The following SORCS2 variants were observed in gnomAD, a reference collection of about 807,000 sequenced individuals.
SORCS2 encodes the protein sortilin related VPS10 domain containing receptor 2.
SORCS2 carries 100 observed loss-of-function variants against 141.6 expected under a neutral mutation model. That is an observed-to-expected ratio of 0.71 (90% CI 0.60 to 0.83). The LOEUF (loss-of-function observed/expected upper bound fraction) is 0.83, where lower values mean the gene tolerates loss of function less well. SORCS2 is among the 40% of genes least tolerant of loss of function. The pLI is 0.00. For synonymous variants in SORCS2, 789 were observed against 676.9 expected, an observed-to-expected ratio of 1.17 and a Z score of -2.57; for missense variants, 1,646 against 1,560.2, an observed-to-expected ratio of 1.05 and a Z score of -0.93.
At chr4:7,443,517 C>G (rs148535907) in intron 2 of SORCS2, among the ~76,000 whole-genome samples, 3 of 152,316 alleles carry the variant, frequency 2.0e-5, no homozygotes, top group Non-Finnish European at 4.4e-5. Flanking sequence ...TCCCTACAAC[C>G]CGAAACCTTG....
intron 1 of SORCS2, among the ~76,000 whole-genome samples, chr4:7,255,020 T>C (rs1713755434): frequency 6.6e-6 from 1 of 151,962 alleles, no homozygotes; most frequent in Non-Finnish European, 1.5e-5. Flanking sequence ...TATGTGAGCA[T>C]GTGTGTGAGC....
chr4:7,269,067 A>C (rs1455637102), intron 1 of SORCS2, among the ~76,000 whole-genome samples: 1 of 152,114 alleles, frequency 6.6e-6, no homozygotes, highest in African/African-American at 2.4e-5. Context: ...GAGTAGGTCT[A>C]GGAGCCCCAC....
At chr4:7,610,074 G>A (rs1184168017) in intron 3 of SORCS2, among the ~76,000 whole-genome samples, 1 of 152,176 alleles carries the variant, frequency 6.6e-6, no homozygotes, top group East Asian at 1.9e-4. Context: ...CGTCACCTTG[G>A]GGCCCCCAGA....
At chr4:7,676,899 TCTCTCTCC>T (rs202167356) in intron 9 of SORCS2, among the ~76,000 whole-genome samples, 10,691 of 30,352 alleles carry the variant, frequency 0.35, 1,045 homozygotes, top group South Asian at 0.47. Flanking sequence ...GGCCTCTCTC[TCTCTCTCC>T]CTCTCTCCCT....
chr4:7,198,774 G>A (rs1292108137), intron 1 of SORCS2, among the ~76,000 whole-genome samples: 1 of 152,192 alleles, frequency 6.6e-6, no homozygotes. Flanking sequence ...GCTGGATGAA[G>A]AACCATGAGG....
intron 2 of SORCS2, among the ~76,000 whole-genome samples, chr4:7,422,211 C>T (rs930880634): frequency 6.6e-6 from 1 of 152,216 alleles, no homozygotes; most frequent in Non-Finnish European, 1.5e-5. Flanking sequence ...CTGACCTTCT[C>T]CTGTCACTGC....
intron 3 of SORCS2, among the ~76,000 whole-genome samples, chr4:7,628,016 G>A (rs898474855): frequency 6.6e-6 from 1 of 152,238 alleles, no homozygotes; most frequent in African/African-American, 2.4e-5. Flanking sequence ...CCCCGGGCCT[G>A]CCTGCAGCAG....
intron 14 of SORCS2, among the ~76,000 whole-genome samples, chr4:7,710,082 G>T (rs1385022445): frequency 1.3e-5 from 2 of 152,192 alleles, no homozygotes; most frequent in Non-Finnish European, 2.9e-5. Context: ...CATGCAGGGG[G>T]TTAATTAGTC....
chr4:7,737,154 G>A lies in SORCS2; in HGVS notation c.3397G>A (p.Val1133Ile), dbSNP rs781690128. ...CAGCCCTGTGAGTCACAGTGAGGAC[G>A]TCCAGGGCGCTGTCCAGGGTGAGGA... ...MTSPVSHSEDVQGAVQGNHSG... is the reference protein window; with the variant it reads ...MTSPVSHSEDIQGAVQGNHSG... The change falls in exon 26 of 27, where the codon GTC becomes ATC. Residue 1133 changes from valine (V) to isoleucine (I), a missense_variant. Val to Ile is a conservative substitution (Grantham distance 29). Transcript: ENST00000507866. 4.1e-5 allele frequency: 63 copies of A among 1,551,232 alleles called. No homozygotes were observed. The highest frequency in any genetic ancestry group is 2.5e-4 in the South Asian group (21 of 84,060).
chr4:7,380,315 G>A (rs1362984018), intron 1 of SORCS2, among the ~76,000 whole-genome samples: 1 of 152,174 alleles, frequency 6.6e-6, no homozygotes, highest in Non-Finnish European at 1.5e-5. Context: ...AGGCTTTTGT[G>A]GTTTCATAGA....
At chr4:7,519,487 G>A (rs913022017) in intron 2 of SORCS2, among the ~76,000 whole-genome samples, 4 of 152,198 alleles carry the variant, frequency 2.6e-5, no homozygotes, top group Admixed American at 2.0e-4. Flanking sequence ...CTGTCTGCAC[G>A]GGAACAGCTG....
At chr4:7,393,742 T>C (rs957121750) in intron 1 of SORCS2, among the ~76,000 whole-genome samples, 1 of 152,152 alleles carries the variant, frequency 6.6e-6, no homozygotes, top group African/African-American at 2.4e-5. Context: ...TTATTAGCTA[T>C]CATTATTCTG....
chr4:7,411,605 C>A (rs1725313323), intron 2 of SORCS2, among the ~76,000 whole-genome samples: 1 of 152,156 alleles, frequency 6.6e-6, no homozygotes, highest in South Asian at 2.1e-4. Flanking sequence ...AACCATCCAC[C>A]CATCATCCAC....
intron 3 of SORCS2, among the ~76,000 whole-genome samples, chr4:7,559,108 CG>C (rs1714345132): frequency 6.6e-6 from 1 of 152,182 alleles, no homozygotes; most frequent in African/African-American, 2.4e-5. Context: ...CTCACTTTCC[CG>C]GGGAGGGGTT....
intron 1 of SORCS2, among the ~76,000 whole-genome samples, chr4:7,308,751 C>T (rs1717998603): frequency 6.6e-6 from 1 of 152,092 alleles, no homozygotes; most frequent in African/African-American, 2.4e-5. Flanking sequence ...CTCCAGCACC[C>T]TGTCGTCTCG....
chr4:7,739,771 C>G (rs1441200697), intron 26 of SORCS2, among the ~76,000 whole-genome samples: 2 of 152,172 alleles, frequency 1.3e-5, no homozygotes, highest in Admixed American at 6.5e-5. Flanking sequence ...CCCGGCTCAC[C>G]CCTTGGCACT....
At chr4:7,655,615 C>T (rs1032968559) in intron 5 of SORCS2, among the ~76,000 whole-genome samples, 2 of 152,230 alleles carry the variant, frequency 1.3e-5, no homozygotes, top group Non-Finnish European at 2.9e-5. Flanking sequence ...TGGGGAGAGG[C>T]GACGGCCGTC....
At chr4:7,227,286 G>A (rs1729047116) in intron 1 of SORCS2, among the ~76,000 whole-genome samples, 1 of 152,222 alleles carries the variant, frequency 6.6e-6, no homozygotes, top group Non-Finnish European at 1.5e-5. Context: ...CCTGGCTGAG[G>A]TCTGTGTTTC....
chr4:7,733,575 C>T (rs553710691), intron 24 of SORCS2, among the ~76,000 whole-genome samples, 154 bp downstream of exon 24: 2 of 152,226 alleles, frequency 1.3e-5, no homozygotes, highest in East Asian at 3.9e-4. Context: ...CCAGGTCAGA[C>T]GCAGGACCGC....
Sources: gnomAD v4.1 joint callset for allele counts (sites outside exome capture counted in the v4.1 genomes callset) on GRCh38, gnomAD v4.1.1 for gene constraint, MANE v1.5 for transcripts, NCBI Gene and HGNC (gene_info 2026-07-23, HGNC 2026-07-21) for gene names.